RANBP17: variants seen among roughly 807,000 people sequenced by gnomAD.
RANBP17 encodes the protein RAN binding protein 17.
Under a neutral mutation model 141.2 loss-of-function variants are expected in RANBP17, and 158 were observed. The observed-to-expected ratio is 1.12, with a 90% CI of 0.98 to 1.28. The LOEUF (loss-of-function observed/expected upper bound fraction) is 1.28, where lower values mean the gene tolerates loss of function less well. Ranked by LOEUF, RANBP17 falls within the 50% of genes most tolerant of loss-of-function variation. RANBP17 has a pLI of 0.00. For missense variants in RANBP17, 1,438 were observed against 1,290.7 expected, an observed-to-expected ratio of 1.11 and a Z score of -1.75; for synonymous variants, 430 against 450.0, an observed-to-expected ratio of 0.96 and a Z score of 0.56.
chr5:170,979,226 T>A (rs1385188228), intron 14 of RANBP17, among the ~76,000 whole-genome samples: 1 of 152,234 alleles, frequency 6.6e-6, no homozygotes, highest in Admixed American at 6.5e-5. Context: ...AAGGCATAGT[T>A]CAACCATATC....
chr5:170,922,754 C>A (rs1350435589), intron 11 of RANBP17, among the ~76,000 whole-genome samples: 1 of 152,254 alleles, frequency 6.6e-6, no homozygotes, highest in Non-Finnish European at 1.5e-5. Context: ...AAAGGGAAAT[C>A]CCCTGACCCC....
At chr5:171,296,689 G>C (rs1442224447) in intron 27 of RANBP17, among the ~76,000 whole-genome samples, 2 of 152,232 alleles carry the variant, frequency 1.3e-5, no homozygotes. Context: ...GAGGTGGGTG[G>C]ATCACCTGAG....
chr5:171,172,718 T>A (rs964925554), intron 16 of RANBP17, among the ~76,000 whole-genome samples: 12 of 151,744 alleles, frequency 7.9e-5, no homozygotes, highest in African/African-American at 2.9e-4. Flanking sequence ...ATTTACCCTA[T>A]TTTTTTAGGT....
chr5:171,060,026 CTT>C (rs1783699453), intron 14 of RANBP17, among the ~76,000 whole-genome samples: 1 of 39,694 alleles, frequency 2.5e-5, no homozygotes, highest in African/African-American at 9.2e-5. Flanking sequence ...TATCCTGAGA[CTT>C]TGCTGAAGTT....
intron 14 of RANBP17, among the ~76,000 whole-genome samples, chr5:171,014,070 G>C (rs1017989483): frequency 6.6e-6 from 1 of 151,898 alleles, no homozygotes; most frequent in African/African-American, 2.4e-5. Context: ...TTATTATTTT[G>C]AAAAGACCCT....
At chr5:171,164,922 A>G (rs1322850110) in intron 14 of RANBP17, among the ~76,000 whole-genome samples, 2 of 152,234 alleles carry the variant, frequency 1.3e-5, no homozygotes, top group East Asian at 3.9e-4. Flanking sequence ...GATACAGATT[A>G]TAAGATTTTG....
At chr5:170,957,653 C>T (rs1396619428) in intron 13 of RANBP17, among the ~76,000 whole-genome samples, 1 of 152,052 alleles carries the variant, frequency 6.6e-6, no homozygotes, top group Non-Finnish European at 1.5e-5. Flanking sequence ...TACTGTTGTG[C>T]TTTTTGTTGG....
chr5:171,278,179 G>A (rs1767650506), intron 25 of RANBP17, among the ~76,000 whole-genome samples: 1 of 151,724 alleles, frequency 6.6e-6, no homozygotes, highest in African/African-American at 2.4e-5. Context: ...GAGGCCAAGG[G>A]TTCCTGACCA....
intron 14 of RANBP17, among the ~76,000 whole-genome samples, chr5:171,116,865 C>T (rs1424780297): frequency 6.6e-6 from 1 of 152,162 alleles, no homozygotes; most frequent in East Asian, 1.9e-4. Flanking sequence ...CTTTTTACTT[C>T]TATGAGACCA....
chr5:171,122,941 G>A (rs1298232166), intron 14 of RANBP17, among the ~76,000 whole-genome samples: 1 of 152,122 alleles, frequency 6.6e-6, no homozygotes, highest in African/African-American at 2.4e-5. Flanking sequence ...ATGCTGACTG[G>A]ACCCAGTGGT....
intron 25 of RANBP17, among the ~76,000 whole-genome samples, chr5:171,280,647 T>C (rs1481292171): frequency 6.6e-6 from 1 of 152,226 alleles, no homozygotes; most frequent in Non-Finnish European, 1.5e-5. Context: ...TGAGGAAGAC[T>C]CCTTGTTTGT....
rs373858252 is a variant in RANBP17, at chr5:170,995,058, C to T, written c.1710+26681C>T. 5.3e-5 allele frequency among the ~76,000 whole-genome samples: 8 copies of T among 152,122 alleles called. No individual in the cohort carries two copies. In the South Asian group the frequency reaches 1.7e-3, roughly 32 times the overall value. On this transcript the variant is annotated intron_variant, in intron 14 of 27. Transcript: ENST00000523189. ...ATGAGAATTAGTTCTGGTGTATATT[C>T]AGATGTCTGCTTTCAAATATTCCTA...
intron 7 of RANBP17, 80 bp from the exon 8 acceptor site, chr5:170,914,087 C>A: frequency 1.1e-6 from 1 of 928,432 alleles, no homozygotes; most frequent in Non-Finnish European, 1.7e-6. Context: ...TTGGATTTCT[C>A]AGTTTGTGTG....
Position 171,155,094 on chromosome 5 carries a change from A to AAATAT in RANBP17, c.1711-15035_1711-15034insATATA, listed in dbSNP as rs34090443. On this transcript the variant is annotated intron_variant, in intron 14 of 27. Coordinates refer to ENST00000523189, the MANE Select transcript of RANBP17 (RefSeq NM_022897.5). Reference sequence around the variant, plus strand: ...CTCCATCTAGAAAAAAAAAAAAAAAAATATATATATATATATATATATATA... The same window carrying AAATAT: ...CTCCATCTAGAAAAAAAAAAAAAAAAAATATATATATATATATATATATATATATA... Among the ~76,000 whole-genome samples, 422 of 74,918 alleles carry AAATAT rather than the reference A, an allele frequency of 5.6e-3. 2 individuals are homozygous for AAATAT. The highest frequency in any genetic ancestry group is 0.01 in the Middle Eastern group (1 of 98). The allele number at this position is 74,918 out of a possible 152,430, so 49.1% of individuals were successfully genotyped here.
chr5:170,996,987 T>C (rs1230969283), intron 14 of RANBP17, among the ~76,000 whole-genome samples: 1 of 152,176 alleles, frequency 6.6e-6, no homozygotes, highest in East Asian at 1.9e-4. Context: ...AAATCTCATT[T>C]TGAATCATAA....
chr5:171,117,160 A>G (rs954328608), intron 14 of RANBP17, among the ~76,000 whole-genome samples: 2 of 152,182 alleles, frequency 1.3e-5, no homozygotes, highest in African/African-American at 2.4e-5. Flanking sequence ...TCCCTTTGAT[A>G]TACTGATATC....
chr5:171,071,326 G>A (rs1214443117), intron 14 of RANBP17, among the ~76,000 whole-genome samples: 1 of 151,952 alleles, frequency 6.6e-6, no homozygotes, highest in Non-Finnish European at 1.5e-5. Context: ...CAAAATCCCA[G>A]CATATTTTTT....
chr5:170,918,849 CT>C lies in RANBP17; in HGVS notation c.1092del (p.Ser365AlafsTer16). On this transcript the variant is annotated frameshift_variant, in exon 10 of 28. Transcript: ENST00000523189. LOFTEE classifies it high-confidence loss of function. ...VIRLIANFTI[T>X]SLQHWEFAPN... ...AGATTGATTGCTAATTTTACCATTACTAGCCTACAGGTAGGTAAAAATATGT... is the reference window on the plus strand; with the variant it reads ...AGATTGATTGCTAATTTTACCATTACAGCCTACAGGTAGGTAAAAATATGT... The C allele has an allele frequency of 3.2e-6, 5 of 1,577,552 alleles. No homozygotes were observed. Among genetic ancestry groups the C allele is most frequent in the Non-Finnish European group, 4.3e-6 (5 of 1,159,224 alleles).
chr5:171,094,841 T>C (rs1435243977), intron 14 of RANBP17, among the ~76,000 whole-genome samples: 4 of 152,172 alleles, frequency 2.6e-5, no homozygotes, highest in Non-Finnish European at 5.9e-5. Flanking sequence ...GTCCCTACTT[T>C]TTTCCTTTTC....
Sources: gnomAD v4.1 joint callset for allele counts (sites outside exome capture counted in the v4.1 genomes callset) on GRCh38, gnomAD v4.1.1 for gene constraint, MANE v1.5 for transcripts, NCBI Gene and HGNC (gene_info 2026-07-23, HGNC 2026-07-21) for gene names.